Variants in CRTC3 observed in about 807,000 individuals in gnomAD.
CRTC3 encodes CREB regulated transcription coactivator 3, also known as CREB-regulated transcription coactivator 3.
CRTC3 carries 26 observed loss-of-function variants against 74.5 expected under a neutral mutation model. That is an observed-to-expected ratio of 0.35 (90% CI 0.26 to 0.48). The LOEUF is 0.48. Ranked by LOEUF, CRTC3 falls within the 20% of genes least tolerant of loss-of-function variation. CRTC3 has a pLI of 0.99. For missense variants in CRTC3, 760 were observed against 787.3 expected, an observed-to-expected ratio of 0.97 and a Z score of 0.41; for synonymous variants, 377 against 325.8, an observed-to-expected ratio of 1.16 and a Z score of -1.69.
intron 2 of CRTC3, among the ~76,000 whole-genome samples, chr15:90,560,409 TC>T (rs1460027756): frequency 6.6e-6 from 1 of 152,220 alleles, no homozygotes; most frequent in Non-Finnish European, 1.5e-5. Context: ...TCAAAAGAGT[TC>T]TGGAATTTGT....
intron 6 of CRTC3, among the ~76,000 whole-genome samples, chr15:90,609,480 A>T (rs983142187): frequency 6.6e-6 from 1 of 152,202 alleles, no homozygotes; most frequent in Non-Finnish European, 1.5e-5. Flanking sequence ...CCAGCTAGAC[A>T]GACAGATTTT....
At chr15:90,532,956 G>T (rs1966651588) in intron 1 of CRTC3, among the ~76,000 whole-genome samples, 2 of 151,508 alleles carry the variant, frequency 1.3e-5, no homozygotes. Flanking sequence ...ATGGTGGCGT[G>T]CGCCTGTAGT....
intron 1 of CRTC3, among the ~76,000 whole-genome samples, chr15:90,539,232 G>T (rs560972237): frequency 1.3e-5 from 2 of 152,322 alleles, no homozygotes; most frequent in Admixed American, 1.3e-4. Flanking sequence ...ACCACTTTGA[G>T]ATTTACAAGA....
At chr15:90,562,056 A>C (rs1428384773) in intron 2 of CRTC3, among the ~76,000 whole-genome samples, 1 of 152,212 alleles carries the variant, frequency 6.6e-6, no homozygotes, top group East Asian at 1.9e-4. Context: ...CTAATGTCTT[A>C]GCTCTTTTCT....
chr15:90,553,129 A>G (rs1021210652), intron 2 of CRTC3, among the ~76,000 whole-genome samples: 5 of 152,180 alleles, frequency 3.3e-5, no homozygotes, highest in Non-Finnish European at 5.9e-5. Flanking sequence ...ACTGATTACT[A>G]ATATCATCTA....
intron 5 of CRTC3, 57 bp downstream of exon 5, chr15:90,604,504 AT>A: frequency 7.8e-7 from 1 of 1,280,704 alleles, no homozygotes; most frequent in Non-Finnish European, 1.1e-6. Flanking sequence ...CTGTCCTGAT[AT>A]TTTTTACATA....
chr15:90,625,715 G>A (rs1968809476), intron 9 of CRTC3, 61 bp from the exon 10 acceptor site: 1 of 1,455,652 alleles, frequency 6.9e-7, no homozygotes, highest in Non-Finnish European at 9.6e-7. Flanking sequence ...TTTCAGCCAT[G>A]TTTGGTTTCC....
At chr15:90,566,432 C>G (rs953082579) in intron 2 of CRTC3, among the ~76,000 whole-genome samples, 1 of 151,576 alleles carries the variant, frequency 6.6e-6, no homozygotes, top group Non-Finnish European at 1.5e-5. Flanking sequence ...TGCCTGTAGT[C>G]GTAGCTACTT....
chr15:90,633,802 T>C (rs1033485206), intron 11 of CRTC3, among the ~76,000 whole-genome samples: 5 of 152,100 alleles, frequency 3.3e-5, no homozygotes, highest in African/African-American at 1.2e-4. Flanking sequence ...TGTGGTTGCT[T>C]CCTTGTTTGT....
intron 1 of CRTC3, among the ~76,000 whole-genome samples, chr15:90,532,707 GC>G (rs1966646958): frequency 6.6e-6 from 1 of 152,166 alleles, no homozygotes; most frequent in Non-Finnish European, 1.5e-5. Context: ...TAGAAGTCCG[GC>G]ATTATCAGGA....
chr15:90,618,044 G>T, intron 8 of CRTC3, 76 bp downstream of exon 8: 1 of 952,544 alleles, frequency 1.0e-6, no homozygotes, highest in South Asian at 1.4e-5. Context: ...ATCCTGCAGA[G>T]GTGAAAGCAA....
At chr15:90,556,957 G>C (rs1174280373) in intron 2 of CRTC3, among the ~76,000 whole-genome samples, 1 of 89,680 alleles carries the variant, frequency 1.1e-5, no homozygotes, top group Non-Finnish European at 2.0e-5. Flanking sequence ...TCACCACATG[G>C]CTATATATAT....
At chr15:90,635,144 A>G in intron 11 of CRTC3, 1 of 591,700 alleles carries the variant, frequency 1.7e-6, no homozygotes, top group South Asian at 1.9e-5. Context: ...ACTAATGATA[A>G]CTAATGACAT....
At chr15:90,538,412 C>T (rs1382910564) in intron 1 of CRTC3, among the ~76,000 whole-genome samples, 1 of 152,060 alleles carries the variant, frequency 6.6e-6, no homozygotes, top group African/African-American at 2.4e-5. Context: ...CTGTGCAGTA[C>T]ATTTAAGAAA....
intron 2 of CRTC3, among the ~76,000 whole-genome samples, chr15:90,564,886 T>G (rs974074325): frequency 6.7e-6 from 1 of 148,590 alleles, no homozygotes; most frequent in African/African-American, 2.5e-5. Flanking sequence ...ACAAGCCTTG[T>G]GTTCAACAAT....
chr15:90,614,488 G>C lies in CRTC3; in HGVS notation c.613G>C (p.Val205Leu). ...TGGTGAGAATAATGGACATGGGGAA[G>C]GTATGAACTGATTTTACCTACCTAT... ...CDGENNGHGE[V>L]ASFPGPLKEE... The change falls in exon 7 of 15, where the codon GTA (valine) becomes CTA (leucine). Residue 205 changes from valine to leucine, a missense_variant and splice_region_variant. Around this residue, in one of 2 missense-constraint regions of CRTC3, gnomAD observed 652 missense variants for 635.2 expected, o/e 1.03. Transcript: ENST00000268184. 1 of 1,604,968 alleles carries C rather than the reference G, an allele frequency of 6.2e-7. No homozygotes were observed. Among genetic ancestry groups the C allele is most frequent in the South Asian group, 1.1e-5 (1 of 90,698 alleles).
At chr15:90,595,513 A>G (rs1449177405) in intron 3 of CRTC3, 1 of 150,770 alleles carries the variant, frequency 6.6e-6, no homozygotes, top group Non-Finnish European at 1.5e-5. Context: ...GTGAACCGAG[A>G]TCGCGCCACT....
chr15:90,593,988 A>G (rs1967860310), intron 3 of CRTC3: 1 of 387,246 alleles, frequency 2.6e-6, no homozygotes, highest in African/African-American at 2.0e-5. Flanking sequence ...TGAAATAACA[A>G]CAAAAACAAC....
intron 2 of CRTC3, among the ~76,000 whole-genome samples, chr15:90,542,028 C>T (rs891733184): frequency 1.3e-5 from 2 of 151,986 alleles, no homozygotes; most frequent in Non-Finnish European, 2.9e-5. Flanking sequence ...AAGTAATCCA[C>T]CCACCTTGGC....
Sources: gnomAD v4.1 joint callset for allele counts (sites outside exome capture counted in the v4.1 genomes callset) on GRCh38, gnomAD v4.1.1 for gene constraint, gnomAD v4.1.1 regional missense constraint, MANE v1.5 for transcripts, NCBI Gene and HGNC (gene_info 2026-07-23, HGNC 2026-07-21) for gene names.